Variants in DGKB observed in about 807,000 individuals in gnomAD.
DGKB encodes the protein diacylglycerol kinase beta, also known as 90 kDa diacylglycerol kinase.
Under a neutral mutation model 114.3 loss-of-function variants are expected in DGKB, and 67 were observed. The ratio of observed to expected loss-of-function variants is 0.59; its 90% CI spans 0.48 to 0.72. DGKB has a LOEUF of 0.72. DGKB is among the 30% of genes least tolerant of loss of function. The pLI is 0.00. For synonymous variants in DGKB, 398 were observed against 323.1 expected, an observed-to-expected ratio of 1.23 and a Z score of -2.49; for missense variants, 907 against 975.2, an observed-to-expected ratio of 0.93 and a Z score of 0.93.
intron 23 of DGKB, among the ~76,000 whole-genome samples, chr7:14,250,302 A>G (rs1294518759): frequency 6.6e-6 from 1 of 151,872 alleles, no homozygotes; most frequent in African/African-American, 2.4e-5. Context: ...TTAAATTTCC[A>G]TCTTAGAACT....
intron 13 of DGKB, among the ~76,000 whole-genome samples, chr7:14,658,594 A>C (rs1480378873): frequency 6.6e-6 from 1 of 151,930 alleles, no homozygotes; most frequent in Non-Finnish European, 1.5e-5. Context: ...AGAAATAATG[A>C]AATACTCAAG....
At chr7:14,803,061 G>A (rs1478979065) in intron 2 of DGKB, among the ~76,000 whole-genome samples, 1 of 151,994 alleles carries the variant, frequency 6.6e-6, no homozygotes, top group Non-Finnish European at 1.5e-5. Context: ...AGATGTCAAT[G>A]TAGGCCTTTT....
chr7:14,248,726 A>C lies in DGKB; in HGVS notation c.2123-70575T>G, dbSNP rs76489566. Reference sequence around the variant, plus strand: ...CTGCAATACTATTCAATTCATTTTTAATTCTAACAGTTTTTGGTATAGTCT... The same window carrying C: ...CTGCAATACTATTCAATTCATTTTTCATTCTAACAGTTTTTGGTATAGTCT... On this transcript the variant is annotated intron_variant, in intron 23 of 25. Transcript: ENST00000402815. Among the ~76,000 whole-genome samples, 1,208 of 152,172 alleles carry C rather than the reference A, an allele frequency of 7.9e-3. 17 individuals are homozygous for C. Among genetic ancestry groups the C allele is most frequent in the African/African-American group, 0.028 (1,151 of 41,550 alleles).
intron 1 of DGKB, among the ~76,000 whole-genome samples, chr7:14,940,476 T>C (rs756803236): frequency 1.3e-5 from 2 of 152,104 alleles, no homozygotes; most frequent in Non-Finnish European, 2.9e-5. Flanking sequence ...TTTCACTTAA[T>C]TGGGCTGAAA....
intron 23 of DGKB, among the ~76,000 whole-genome samples, chr7:14,261,549 T>C (rs542218767): frequency 1.3e-3 from 203 of 152,306 alleles, no homozygotes; most frequent in African/African-American, 4.8e-3. Flanking sequence ...AGTGATTGAC[T>C]TGATATCCTC....
intron 21 of DGKB, among the ~76,000 whole-genome samples, chr7:14,385,750 A>C (rs1461675204): frequency 6.6e-6 from 1 of 152,220 alleles, no homozygotes; most frequent in Non-Finnish European, 1.5e-5. Flanking sequence ...GTGATATATG[A>C]ATGTAAGCAT....
chr7:14,666,726 C>G (rs1818091501), intron 13 of DGKB, among the ~76,000 whole-genome samples: 1 of 151,694 alleles, frequency 6.6e-6, no homozygotes, highest in Non-Finnish European at 1.5e-5. Context: ...GACCTCTCTT[C>G]AATATGGCAG....
rs78637659 is a variant in DGKB, at chr7:14,548,276, C to A, written c.1770+25936G>T. On this transcript the variant is annotated intron_variant, in intron 20 of 25. Transcript: ENST00000402815. ...ACTTACATTCCTTCACCTGGAGGAG[C>A]TCAGATTATAGGGGAAAATAGACCA... 5.6e-3 allele frequency among the ~76,000 whole-genome samples: 855 copies of A among 152,234 alleles called. 15 individuals are homozygous for A. The highest frequency in any genetic ancestry group is 0.019 in the African/African-American group (805 of 41,536).
At chr7:14,690,608 T>C (rs1262419136) in intron 9 of DGKB, among the ~76,000 whole-genome samples, 1 of 152,222 alleles carries the variant, frequency 6.6e-6, no homozygotes, top group East Asian at 1.9e-4. Flanking sequence ...AAAACATAGC[T>C]TTTGTGGTTC....
At chr7:14,319,727 T>C (rs1282144715) in intron 23 of DGKB, among the ~76,000 whole-genome samples, 1 of 152,204 alleles carries the variant, frequency 6.6e-6, no homozygotes, top group Non-Finnish European at 1.5e-5. Context: ...ATAAATCCTC[T>C]AAAGAGTCAA....
chr7:14,468,665 C>T (rs1022652415), intron 21 of DGKB, among the ~76,000 whole-genome samples: 8 of 150,102 alleles, frequency 5.3e-5, no homozygotes, highest in African/African-American at 1.3e-4. Flanking sequence ...TGAAAGTTTG[C>T]GTGTAGGCAT....
chr7:14,697,209 T>A (rs1824095462), intron 8 of DGKB, among the ~76,000 whole-genome samples: 1 of 152,204 alleles, frequency 6.6e-6, no homozygotes, highest in African/African-American at 2.4e-5. Context: ...CATTTTTAGA[T>A]ACTCTTTCTC....
rs535017503 is a variant in DGKB at position 14,923,308 on chromosome 7, T to C, written c.-188+51388A>G. Among the ~76,000 whole-genome samples the C allele has an allele frequency of 5.3e-5, 8 of 152,306 alleles. No individual in the cohort carries two copies. The South Asian group carries it at 1.4e-3, about 28-fold the overall frequency. ...TGTTATATCTTCAGTTATTCCCCTA[T>C]TGCACTTTTGTTCTTTTTCTCCTTT... On this transcript the variant is annotated intron_variant, in intron 1 of 4. Coordinates refer to the DGKB transcript ENST00000437998.
intron 2 of DGKB, among the ~76,000 whole-genome samples, chr7:14,806,125 G>A (rs765311005): frequency 1.1e-4 from 17 of 151,656 alleles, no homozygotes; most frequent in Non-Finnish European, 1.5e-4. Flanking sequence ...TTCCCGCGTC[G>A]TAGGTTTGCA....
At chr7:14,149,595 T>C (rs1263587103) in intron 25 of DGKB, among the ~76,000 whole-genome samples, 1 of 152,114 alleles carries the variant, frequency 6.6e-6, no homozygotes, top group East Asian at 1.9e-4. Flanking sequence ...GTATCATTTA[T>C]TGAAGTCAGG....
upstream of DGKB, chr7:14,903,336 C>T (rs1783416540): frequency 6.6e-6 from 1 of 152,416 alleles, no homozygotes; most frequent in East Asian, 1.9e-4. Flanking sequence ...TATTGCTACT[C>T]TTGCTGATGG....
intron 21 of DGKB, among the ~76,000 whole-genome samples, chr7:14,467,558 A>G (rs926942242): frequency 1.1e-4 from 16 of 152,272 alleles, no homozygotes; most frequent in Admixed American, 8.5e-4. Flanking sequence ...GAACCATGGC[A>G]TTACATATCC....
chr7:14,209,299 A>G (rs1241453690), intron 23 of DGKB: 1 of 273,904 alleles, frequency 3.7e-6, no homozygotes, highest in East Asian at 1.2e-4. Flanking sequence ...CCCTAAACCA[A>G]AATTAAGTAG....
At chr7:14,601,384 C>T (rs1803519542) in intron 17 of DGKB, among the ~76,000 whole-genome samples, 2 of 144,180 alleles carry the variant, frequency 1.4e-5, no homozygotes, top group Admixed American at 6.7e-5. Flanking sequence ...GAAACGTTTT[C>T]AGGGCCACTC....
Sources: allele counts gnomAD v4.1 joint callset (sites outside exome capture counted in the v4.1 genomes callset), GRCh38; gene constraint gnomAD v4.1.1; transcripts MANE v1.5; gene names NCBI Gene and HGNC (gene_info 2026-07-23, HGNC 2026-07-21).